Variants in RFX4 observed in about 807,000 individuals in gnomAD.
The protein encoded by RFX4 is transcription factor RFX4.
RFX4 carries 10 observed loss-of-function variants against 95.0 expected under a neutral mutation model. The observed-to-expected ratio is 0.11, with a 90% CI of 0.06 to 0.18. The LOEUF is 0.18. RFX4 is among the 10% of genes least tolerant of loss of function. RFX4 has a pLI of 1.00. For missense variants in RFX4, 640 were observed against 922.0 expected (o/e 0.69, Z 3.96); for synonymous variants, 321 against 340.7 (o/e 0.94, Z 0.64).
intron 13 of RFX4, among the ~76,000 whole-genome samples, chr12:106,722,067 T>A (rs1253250592): frequency 1.3e-5 from 2 of 152,244 alleles, no homozygotes; most frequent in South Asian, 2.1e-4. Flanking sequence ...TTGAGCTGTA[T>A]ATGGAAATGC....
chr12:106,622,675 G>T (rs1025288533), intron 2 of RFX4, among the ~76,000 whole-genome samples: 1 of 150,698 alleles, frequency 6.6e-6, no homozygotes, highest in African/African-American at 2.4e-5. Context: ...TGCCAGGCTG[G>T]AGTGCAGTGA....
chr12:106,592,358 A>C (rs1210210156), intron 1 of RFX4, among the ~76,000 whole-genome samples: 4 of 152,344 alleles, frequency 2.6e-5, no homozygotes, highest in South Asian at 4.1e-4. Context: ...TTTCCCATGA[A>C]GAAGGCATTT....
chr12:106,636,348 C>T (rs1332387237), intron 2 of RFX4, among the ~76,000 whole-genome samples: 7 of 149,356 alleles, frequency 4.7e-5, no homozygotes, highest in Non-Finnish European at 8.9e-5. Context: ...TGAGATCGTG[C>T]CATTGCACTC....
chr12:106,589,748 G>A (rs1005449883), intron 1 of RFX4, among the ~76,000 whole-genome samples: 1 of 152,204 alleles, frequency 6.6e-6, no homozygotes, highest in Non-Finnish European at 1.5e-5. Context: ...ACAGATGGAT[G>A]AGAGTGGAGA....
chr12:106,603,424 G>A (rs1302419172), intron 1 of RFX4, among the ~76,000 whole-genome samples: 1 of 152,192 alleles, frequency 6.6e-6, no homozygotes, highest in Non-Finnish European at 1.5e-5. Context: ...AAAGTGCAGA[G>A]GCATAAAGAT....
At chr12:106,670,572 C>T (rs191206974) in intron 4 of RFX4, among the ~76,000 whole-genome samples, 1 of 152,174 alleles carries the variant, frequency 6.6e-6, no homozygotes, top group Non-Finnish European at 1.5e-5. Flanking sequence ...GTCTCATTGC[C>T]CTCAGTATGA....
intron 11 of RFX4, among the ~76,000 whole-genome samples, chr12:106,717,176 C>T (rs1021871120): frequency 6.6e-6 from 1 of 151,990 alleles, no homozygotes; most frequent in East Asian, 1.9e-4. Context: ...GATCACTGTG[C>T]CCCTAGGAAC....
intron 8 of RFX4, among the ~76,000 whole-genome samples, chr12:106,697,979 AT>A (rs1049814468): frequency 3.5e-4 from 52 of 148,124 alleles, no homozygotes; most frequent in South Asian, 1.3e-3. Context: ...TATTATTATT[AT>A]TTTTTTTTTG....
intron 1 of RFX4, among the ~76,000 whole-genome samples, chr12:106,608,022 G>A (rs959952847): frequency 5.3e-5 from 8 of 152,204 alleles, no homozygotes; most frequent in Non-Finnish European, 7.4e-5. Flanking sequence ...GTGAAACCCC[G>A]TCTCTACTAA....
chr12:106,735,662 A>G (rs1481177119), intron 15 of RFX4, among the ~76,000 whole-genome samples: 2 of 151,924 alleles, frequency 1.3e-5, no homozygotes, highest in Non-Finnish European at 2.9e-5. Context: ...AGAATCCTAT[A>G]TATGTTTATT....
chr12:106,689,147 G>T (rs1482929419), intron 6 of RFX4, 140 bp from the exon 7 acceptor site: 1 of 743,128 alleles, frequency 1.3e-6, no homozygotes, highest in Non-Finnish European at 2.4e-6. Context: ...GTCTCACCTG[G>T]GTCTGGTAGG....
At chr12:106,701,623 T>G (rs2041992881) in intron 8 of RFX4, among the ~76,000 whole-genome samples, 1 of 152,240 alleles carries the variant, frequency 6.6e-6, no homozygotes, top group Non-Finnish European at 1.5e-5. Context: ...TCAGGTTCAC[T>G]GAGTCTTTCC....
At chr12:106,730,525 G>A (rs1262312915) in intron 13 of RFX4, among the ~76,000 whole-genome samples, 1 of 152,190 alleles carries the variant, frequency 6.6e-6, no homozygotes, top group East Asian at 1.9e-4. Flanking sequence ...CGGTAAGGGA[G>A]GATAATACCA....
chr12:106,750,868 A>C, intron 17 of RFX4, 75 bp downstream of exon 17: 1 of 1,365,404 alleles, frequency 7.3e-7, no homozygotes, highest in Non-Finnish European at 9.6e-7. Flanking sequence ...CAGTTCATAA[A>C]CTGTTATGCA....
In RFX4 at chr12:106,643,696, C is replaced by T. The variant is rs578051977; in HGVS notation, c.191+4304C>T. On this transcript the variant is annotated intron_variant, in intron 3 of 17. Transcript: ENST00000392842. ...TTTTGCAATCACTTCTTTCCTTTGT[C>T]TAATTTTCTTCTTCTTTTGCTAGCT... 3.8e-4 allele frequency among the ~76,000 whole-genome samples: 58 copies of T among 152,004 alleles called. No individual in the cohort carries two copies. The South Asian group carries it at 0.012, about 32-fold the overall frequency.
intron 13 of RFX4, among the ~76,000 whole-genome samples, chr12:106,727,632 T>G (rs943086942): frequency 3.3e-5 from 5 of 152,140 alleles, no homozygotes; most frequent in Admixed American, 6.5e-5. Flanking sequence ...GTTTGTTTTT[T>G]TTTTTGAGAC....
chr12:106,583,512 A>C (rs539807512), intron 1 of RFX4, 149 bp downstream of exon 1: 1 of 632,046 alleles, frequency 1.6e-6, no homozygotes, highest in African/African-American at 1.9e-5. Context: ...GAAGTTTTCA[A>C]TTCGAGGCGA....
chr12:106,715,874 C>T lies in RFX4; in HGVS notation c.1138+330C>T, dbSNP rs187794727. ...ATGAGAACAAAAGCTTATTGCCTCTCTCAGTGTATGTCAGCCTGGGGTCAG... is the reference window on the plus strand; with the variant it reads ...ATGAGAACAAAAGCTTATTGCCTCTTTCAGTGTATGTCAGCCTGGGGTCAG... On this transcript the variant is annotated intron_variant, in intron 11 of 17. Transcript: ENST00000392842. Among the ~76,000 whole-genome samples, 165 of 152,310 alleles carry T rather than the reference C, an allele frequency of 1.1e-3. 2 individuals are homozygous for T. Among genetic ancestry groups the T allele is most frequent in the East Asian group, 6.2e-3 (32 of 5,184 alleles).
chr12:106,627,255 G>A (rs772319874), intron 2 of RFX4, among the ~76,000 whole-genome samples: 12 of 152,178 alleles, frequency 7.9e-5, no homozygotes, highest in Non-Finnish European at 1.0e-4. Context: ...ATATCATTGC[G>A]GGCCGGACAC....
Sources: gnomAD v4.1 joint callset for allele counts (sites outside exome capture counted in the v4.1 genomes callset) on GRCh38, gnomAD v4.1.1 for gene constraint, MANE v1.5 for transcripts, NCBI Gene and HGNC (gene_info 2026-07-23, HGNC 2026-07-21) for gene names.